The following SGMS2 variants were observed in gnomAD, a reference collection of about 807,000 sequenced individuals.
SGMS2 encodes sphingomyelin synthase 2.
In SGMS2, 21 loss-of-function variants were observed where a neutral mutation model predicts 43.8. The ratio of observed to expected loss-of-function variants is 0.48; its 90% CI spans 0.34 to 0.69. The LOEUF (loss-of-function observed/expected upper bound fraction) is 0.69, where lower values mean the gene tolerates loss of function less well. Ranked by LOEUF, SGMS2 falls within the 30% of genes least tolerant of loss-of-function variation. The pLI, the probability that SGMS2 is intolerant of heterozygous loss-of-function variation, is 0.01. For missense variants in SGMS2, 384 were observed against 443.2 expected (o/e 0.87, Z 1.20); for synonymous variants, 167 against 160.6 (o/e 1.04, Z -0.30).
rs1480491131 is a variant in SGMS2 at position 107,903,300 on chromosome 4, T to C, written c.641T>C (p.Ile214Thr). The C allele has an allele frequency of 6.2e-7, 1 of 1,614,022 alleles. No individual in the cohort carries two copies. The highest frequency in any genetic ancestry group is 8.5e-7 in the Non-Finnish European group (1 of 1,179,926). The change falls in exon 5 of 7, where the codon ATA (isoleucine) becomes ACA (threonine). Residue 214 changes from isoleucine (I) to threonine (T), a missense_variant. Physicochemically the swap from Ile to Thr is moderately conservative, Grantham distance 89 (BLOSUM62 -1). Coordinates refer to ENST00000690982, the MANE Select transcript of SGMS2 (RefSeq NM_001375905.1). ...LRLISGGGLS[I>T]TGSHILCGDF... ...TTGATTTCTGGTGGTGGATTGTCCA[T>C]AACTGGATCACATATCTTATGTGGA...
At chr4:107,896,099 C>A in intron 3 of SGMS2, 91 bp downstream of exon 3, 1 of 1,186,064 alleles carries the variant, frequency 8.4e-7, no homozygotes, top group African/African-American at 1.5e-5. Context: ...TTTTTTCCCC[C>A]AATAAATTCA....
chr4:107,888,808 ATTAT>A (rs1195250666), intron 2 of SGMS2, among the ~76,000 whole-genome samples: 3 of 152,110 alleles, frequency 2.0e-5, no homozygotes, highest in African/African-American at 7.2e-5. Flanking sequence ...TGAAATATCT[ATTAT>A]TTAATTTAAC....
chr4:107,838,296 G>C (rs1719109308), intron 1 of SGMS2, among the ~76,000 whole-genome samples: 1 of 152,162 alleles, frequency 6.6e-6, no homozygotes, highest in Non-Finnish European at 1.5e-5. Context: ...CAATGTGGAG[G>C]ATACTTGAGA....
chr4:107,854,007 A>G (rs1005481186), intron 1 of SGMS2, among the ~76,000 whole-genome samples: 9 of 152,224 alleles, frequency 5.9e-5, no homozygotes, highest in African/African-American at 1.4e-4. Flanking sequence ...TCTATTTTCT[A>G]TTCTCTTTAG....
intron 2 of SGMS2, among the ~76,000 whole-genome samples, chr4:107,862,885 A>G (rs1037425862): frequency 2.6e-5 from 4 of 152,280 alleles, no homozygotes; most frequent in South Asian, 2.1e-4. Context: ...TCTAACCATG[A>G]TGTTTCCAGG....
chr4:107,885,856 C>G (rs1193265061), intron 2 of SGMS2, among the ~76,000 whole-genome samples: 1 of 152,142 alleles, frequency 6.6e-6, no homozygotes, highest in Admixed American at 6.5e-5. Flanking sequence ...CTATTGGTTA[C>G]TGATGTAGCC....
intron 2 of SGMS2, among the ~76,000 whole-genome samples, chr4:107,881,787 G>A (rs574999307): frequency 3.3e-5 from 5 of 151,972 alleles, no homozygotes; most frequent in Non-Finnish European, 7.4e-5. Flanking sequence ...CCAGCCTCTG[G>A]TAACCATCTT....
chr4:107,895,859 G>C lies in SGMS2; in HGVS notation c.306G>C (p.Glu102Asp). The C allele has an allele frequency of 6.2e-7, 1 of 1,613,958 alleles. No homozygotes were observed. The highest frequency in any genetic ancestry group is 8.5e-7 in the Non-Finnish European group (1 of 1,179,938). Residue 102 changes from glutamate (E) to aspartate (D), a missense_variant, in exon 3 of 7, where the codon GAG (glutamate) becomes GAC (aspartate). Coordinates refer to ENST00000690982, the MANE Select transcript of SGMS2 (RefSeq NM_001375905.1). Reference protein sequence around the residue: ...LTTVMITVVHERVPPKELSPP... With the variant: ...LTTVMITVVHDRVPPKELSPP... ...CCGTCATGATCACAGTTGTACATGA[G>C]AGGGTCCCTCCCAAGGAGCTTAGCC...
chr4:107,862,531 G>T lies in SGMS2; in HGVS notation c.-245+3978G>T, dbSNP rs573415378. Among the ~76,000 whole-genome samples the T allele has an allele frequency of 7.9e-5, 12 of 152,208 alleles. No homozygotes were observed. In the East Asian group the frequency reaches 2.3e-3, roughly 29 times the overall value. Reference sequence around the variant, plus strand: ...ATGTAAGAACCCTGTAATTAGCTTTGTCTTAAAAGTTTTTTTTCAAAACTC... The same window carrying T: ...ATGTAAGAACCCTGTAATTAGCTTTTTCTTAAAAGTTTTTTTTCAAAACTC... On this transcript the variant is annotated intron_variant, in intron 2 of 6. Transcript: ENST00000690982.
rs201325673 is a variant in SGMS2, at chr4:107,905,693, G to A, written c.727+2307G>A. ...CCAGGGGTTTTGCTTTTAATTTCTT[G>A]GCTCTGTTTAGAACTTTGGAAATTC... On this transcript the variant is annotated intron_variant, in intron 5 of 6. Transcript: ENST00000690982. Among the ~76,000 whole-genome samples the A allele has an allele frequency of 2.6e-5, 4 of 152,222 alleles. No individual in the cohort carries two copies. In the East Asian group the frequency reaches 7.7e-4, roughly 29 times the overall value.
intron 2 of SGMS2, among the ~76,000 whole-genome samples, chr4:107,889,530 CT>C (rs1463722012): frequency 6.6e-6 from 1 of 152,042 alleles, no homozygotes; most frequent in East Asian, 1.9e-4. Context: ...GATTCAAGTG[CT>C]TTTTTCTTTA....
At chr4:107,909,244 T>G (rs1295273790) in intron 6 of SGMS2, among the ~76,000 whole-genome samples, 4 of 152,040 alleles carry the variant, frequency 2.6e-5, no homozygotes, top group African/African-American at 9.7e-5. Context: ...TAGCTGGGAT[T>G]ACAGGTGCAC....
At chr4:107,877,560 G>C (rs1235593080) in intron 2 of SGMS2, among the ~76,000 whole-genome samples, 1 of 152,148 alleles carries the variant, frequency 6.6e-6, no homozygotes, top group African/African-American at 2.4e-5. Flanking sequence ...GGCTGCTTTT[G>C]TTTGACCATT....
intron 1 of SGMS2, among the ~76,000 whole-genome samples, chr4:107,856,055 A>T: frequency 6.6e-6 from 1 of 152,176 alleles, no homozygotes; most frequent in East Asian, 1.9e-4. Context: ...GGGAGCAGGT[A>T]GAACAATATT....
At chr4:107,909,519 C>A (rs1731929915) in intron 6 of SGMS2, among the ~76,000 whole-genome samples, 1 of 152,178 alleles carries the variant, frequency 6.6e-6, no homozygotes, top group Non-Finnish European at 1.5e-5. Context: ...CTGATTCTTC[C>A]TCATTTGCTA....
chr4:107,842,639 G>T (rs1726587486), intron 1 of SGMS2, among the ~76,000 whole-genome samples: 2 of 152,132 alleles, frequency 1.3e-5, no homozygotes, highest in African/African-American at 4.8e-5. Flanking sequence ...AGGTGTACAC[G>T]ACTTAATGAC....
At chr4:107,904,517 G>A (rs1410368486) in intron 5 of SGMS2, among the ~76,000 whole-genome samples, 1 of 152,140 alleles carries the variant, frequency 6.6e-6, no homozygotes, top group Non-Finnish European at 1.5e-5. Context: ...CAAGAGTTGA[G>A]GTTCTCTGTA....
intron 1 of SGMS2, among the ~76,000 whole-genome samples, chr4:107,835,462 C>T (rs1726120159): frequency 1.3e-5 from 2 of 152,064 alleles, no homozygotes; most frequent in African/African-American, 4.8e-5. Flanking sequence ...TGAATAAAAA[C>T]TCGATGTGGG....
At chr4:107,877,598 A>G (rs908825768) in intron 2 of SGMS2, among the ~76,000 whole-genome samples, 9 of 152,222 alleles carry the variant, frequency 5.9e-5, no homozygotes, top group African/African-American at 1.9e-4. Flanking sequence ...TGCAAGTTGT[A>G]TGAAATGTTT....
Sources: allele counts gnomAD v4.1 joint callset (sites outside exome capture counted in the v4.1 genomes callset), GRCh38; gene constraint gnomAD v4.1.1; transcripts MANE v1.5; gene names NCBI Gene and HGNC (gene_info 2026-07-23, HGNC 2026-07-21).